The following CDH12 variants were observed in gnomAD, a reference collection of about 807,000 sequenced individuals.
CDH12 encodes cadherin-12.
A neutral mutation model predicts 74.1 loss-of-function variants in CDH12; 41 were observed. That is an observed-to-expected ratio of 0.55 (90% CI 0.43 to 0.72). CDH12 has a LOEUF of 0.72. Among genes scored for constraint, CDH12 ranks in the 30% least tolerant of loss-of-function variants. The pLI is 0.00. For missense variants in CDH12, 945 were observed against 977.2 expected (o/e 0.97, Z 0.44); for synonymous variants, 399 against 355.0 (o/e 1.12, Z -1.39).
rs560416201 is a variant in CDH12 at position 22,616,653 on chromosome 5, C to G, written c.-522-111289G>C. On this transcript the variant is annotated intron_variant, in intron 1 of 14. Transcript: ENST00000382254. ...TCTCCAAAGCATATCAACAGTAAAA[C>G]TACTTGATATGATGAAAAGAAAGAA... Among the ~76,000 whole-genome samples the G allele has an allele frequency of 8.6e-5, 13 of 151,996 alleles. No homozygotes were observed. In the East Asian group the frequency reaches 2.3e-3, roughly 27 times the overall value.
At chr5:22,278,299 G>C (rs1736728517) in intron 3 of CDH12, among the ~76,000 whole-genome samples, 1 of 152,142 alleles carries the variant, frequency 6.6e-6, no homozygotes, top group African/African-American at 2.4e-5. Flanking sequence ...TGTTGATTTT[G>C]CCAACATTTT....
At chr5:22,326,229 T>TA (rs1739091624) in intron 3 of CDH12, among the ~76,000 whole-genome samples, 1 of 31,054 alleles carries the variant, frequency 3.2e-5, no homozygotes, top group African/African-American at 1.0e-4. Flanking sequence ...CAGTTGGCTA[T>TA]TTTTTTTTTT....
At chr5:22,575,876 T>A (rs987480627) in intron 1 of CDH12, among the ~76,000 whole-genome samples, 19 of 152,012 alleles carry the variant, frequency 1.2e-4, no homozygotes, top group Non-Finnish European at 2.2e-4. Context: ...TATTTTTTTT[T>A]ATATTATATT....
At chr5:21,949,575 A>G (rs567245927) in intron 6 of CDH12, among the ~76,000 whole-genome samples, 89 of 152,240 alleles carry the variant, frequency 5.8e-4, no homozygotes, top group African/African-American at 2.1e-3. Context: ...ATTGGCCTAG[A>G]GGAGCTTCCA....
At chr5:21,855,679 T>A (rs1416668990) in intron 6 of CDH12, among the ~76,000 whole-genome samples, 2 of 151,560 alleles carry the variant, frequency 1.3e-5, no homozygotes, top group Non-Finnish European at 3.0e-5. Context: ...CATACACGTG[T>A]ACATCCAAAG....
intron 1 of CDH12, among the ~76,000 whole-genome samples, chr5:22,654,573 A>G (rs948245288): frequency 2.0e-5 from 3 of 150,666 alleles, no homozygotes; most frequent in Admixed American, 6.6e-5. Context: ...TACAGGCATG[A>G]GCCACCACAT....
At position 22,577,697 on chromosome 5, in the gene CDH12, A is replaced by T. The variant is rs541790599; in HGVS notation, c.-522-72333T>A. On this transcript the variant is annotated intron_variant, in intron 1 of 14. Transcript: ENST00000382254. ...TCATGAGATAATTTAGGTAAATTAG[A>T]CAGTTAAAAACTATGTCCAGATAAC... Among the ~76,000 whole-genome samples, 225 of 152,352 alleles carry T rather than the reference A, an allele frequency of 1.5e-3. 1 individual carries two copies. Among genetic ancestry groups the T allele is most frequent in the Non-Finnish European group, 2.9e-3 (194 of 68,028 alleles).
At chr5:22,588,785 C>G (rs566395311) in intron 1 of CDH12, among the ~76,000 whole-genome samples, 1 of 152,182 alleles carries the variant, frequency 6.6e-6, no homozygotes, top group Admixed American at 6.5e-5. Flanking sequence ...GTGTTAAATG[C>G]TCCTGCTCCC....
intron 9 of CDH12, among the ~76,000 whole-genome samples, chr5:21,811,429 C>T (rs1037404813): frequency 1.3e-5 from 2 of 151,792 alleles, no homozygotes; most frequent in East Asian, 1.9e-4. Flanking sequence ...ATTTTGAGTC[C>T]TTGAAAACTT....
At chr5:22,457,179 A>G (rs1473883647) in intron 2 of CDH12, among the ~76,000 whole-genome samples, 1 of 152,094 alleles carries the variant, frequency 6.6e-6, no homozygotes, top group African/African-American at 2.4e-5. Flanking sequence ...GAAACATTCC[A>G]AAGGTTTCAT....
At chr5:22,438,094 T>A (rs1744479041) in intron 2 of CDH12, among the ~76,000 whole-genome samples, 1 of 151,974 alleles carries the variant, frequency 6.6e-6, no homozygotes, top group East Asian at 1.9e-4. Context: ...GTACTTATCT[T>A]TACTTAGAAA....
intron 3 of CDH12, among the ~76,000 whole-genome samples, chr5:22,359,588 C>T (rs1740711504): frequency 6.6e-6 from 1 of 152,174 alleles, no homozygotes; most frequent in East Asian, 1.9e-4. Flanking sequence ...ACCTAATAGA[C>T]ATCTACAGAA....
chr5:21,945,023 T>C (rs1466595953), intron 6 of CDH12, among the ~76,000 whole-genome samples: 1 of 152,078 alleles, frequency 6.6e-6, no homozygotes, highest in Non-Finnish European at 1.5e-5. Flanking sequence ...AAGATTCTCA[T>C]AATATAAAAA....
intron 2 of CDH12, among the ~76,000 whole-genome samples, chr5:22,470,016 A>G (rs1228306117): frequency 6.6e-6 from 1 of 152,208 alleles, no homozygotes; most frequent in East Asian, 1.9e-4. Context: ...TCTTAAGACA[A>G]GAAAATGAAA....
At chr5:22,650,212 G>A (rs1021902981) in intron 1 of CDH12, among the ~76,000 whole-genome samples, 1 of 152,012 alleles carries the variant, frequency 6.6e-6, no homozygotes, top group Non-Finnish European at 1.5e-5. Context: ...CTATCATAGA[G>A]AGTGGACAGA....
chr5:22,047,887 T>C lies in CDH12; in HGVS notation c.231+30559A>G, dbSNP rs1386561641. On this transcript the variant is annotated intron_variant, in intron 5 of 14. Coordinates refer to ENST00000382254, the MANE Select transcript of CDH12 (RefSeq NM_004061.5). The stretch of plus-strand genomic sequence containing the variant: ...ATGTGTGAGATGGTCACACAGAGAC[T>C]TCTTAGCTAAAACCAGTGAGGTAAA... Among the ~76,000 whole-genome samples the C allele has an allele frequency of 2.0e-5, 3 of 152,208 alleles. No individual in the cohort carries two copies. The East Asian group carries it at 5.8e-4, about 29-fold the overall frequency.
chr5:22,582,154 T>G (rs574072191), intron 1 of CDH12, among the ~76,000 whole-genome samples: 2 of 152,322 alleles, frequency 1.3e-5, no homozygotes, highest in East Asian at 1.9e-4. Context: ...CAAAGAATAC[T>G]TATGCCCTCA....
chr5:21,768,778 G>A lies in CDH12; in HGVS notation c.1394-3679C>T, dbSNP rs187584835. On this transcript the variant is annotated intron_variant, in intron 11 of 14. Coordinates refer to ENST00000382254, the MANE Select transcript of CDH12 (RefSeq NM_004061.5). The stretch of plus-strand genomic sequence containing the variant: ...AGAAATAGAGGAGGAAGCACTTACC[G>A]CTGAATCCTATGTGCCTTGATACGA... 3.1e-3 allele frequency among the ~76,000 whole-genome samples: 475 copies of A among 152,054 alleles called. 8 individuals are homozygous for A. The highest frequency in any genetic ancestry group is 3.6e-3 in the Non-Finnish European group (247 of 67,878).
chr5:22,247,574 C>T (rs1221635776), intron 3 of CDH12, among the ~76,000 whole-genome samples: 1 of 152,014 alleles, frequency 6.6e-6, no homozygotes, highest in African/African-American at 2.4e-5. Context: ...GCAGGAGAGG[C>T]TGAGGCAGGA....
Sources: allele counts gnomAD v4.1 joint callset (sites outside exome capture counted in the v4.1 genomes callset), GRCh38; gene constraint gnomAD v4.1.1; transcripts MANE v1.5; gene names NCBI Gene and HGNC (gene_info 2026-07-23, HGNC 2026-07-21).